CAMKMT: variants seen among roughly 807,000 people sequenced by gnomAD.
CAMKMT encodes the protein calmodulin-lysine N-methyltransferase, also known as CaM KMT.
CAMKMT carries 53 observed loss-of-function variants against 48.0 expected under a neutral mutation model. That is an observed-to-expected ratio of 1.10 (90% confidence interval 0.89 to 1.39). CAMKMT has a LOEUF of 1.39. CAMKMT is among the 40% of genes most tolerant of loss of function. The pLI, the probability that CAMKMT is intolerant of heterozygous loss-of-function variation, is 0.00. For missense variants in CAMKMT, 428 were observed against 402.7 expected (o/e 1.06, Z -0.54); for synonymous variants, 165 against 152.3 (o/e 1.08, Z -0.61).
chr2:44,549,635 C>A, intron 3 of CAMKMT: 2 of 622,958 alleles, frequency 3.2e-6, no homozygotes, highest in South Asian at 3.9e-5. Context: ...CTGAACTGCT[C>A]ATATATTTAA....
intron 3 of CAMKMT, among the ~76,000 whole-genome samples, chr2:44,397,371 T>C (rs1346485595): frequency 6.6e-6 from 1 of 152,218 alleles, no homozygotes; most frequent in African/African-American, 2.4e-5. Context: ...CCTGAGAGTA[T>C]AGGGGACCTG....
intron 3 of CAMKMT, among the ~76,000 whole-genome samples, chr2:44,481,321 A>G (rs975014568): frequency 2.0e-5 from 3 of 152,058 alleles, no homozygotes; most frequent in African/African-American, 7.2e-5. Context: ...GCATAATGAC[A>G]GTTTAATTAT....
chr2:44,596,023 A>C (rs913999002), intron 3 of CAMKMT, among the ~76,000 whole-genome samples: 1 of 152,024 alleles, frequency 6.6e-6, no homozygotes, highest in East Asian at 1.9e-4. Context: ...CATTAGGAGA[A>C]ATACCTAATG....
chr2:44,721,557 AT>A (rs1558817635), intron 7 of CAMKMT, among the ~76,000 whole-genome samples: 1 of 152,158 alleles, frequency 6.6e-6, no homozygotes, highest in African/African-American at 2.4e-5. Flanking sequence ...TTGAGATATA[AT>A]TTACTTACTA....
At chr2:44,763,052 C>T (rs1041650432) in intron 9 of CAMKMT, among the ~76,000 whole-genome samples, 4 of 152,168 alleles carry the variant, frequency 2.6e-5, no homozygotes, top group African/African-American at 9.7e-5. Context: ...ACTGTTCCCC[C>T]TGTGACGTGT....
chr2:44,581,374 A>G (rs1017190420), intron 3 of CAMKMT, among the ~76,000 whole-genome samples: 3 of 152,226 alleles, frequency 2.0e-5, no homozygotes, highest in African/African-American at 7.2e-5. Context: ...TCACATGTCA[A>G]TGAGCAGTAG....
chr2:44,573,840 A>G (rs537576801), intron 3 of CAMKMT, among the ~76,000 whole-genome samples: 1 of 152,324 alleles, frequency 6.6e-6, no homozygotes, highest in Non-Finnish European at 1.5e-5. Context: ...GTTCTGAAAT[A>G]CAACCTCTAC....
chr2:44,524,988 T>G (rs1671327136), intron 3 of CAMKMT, among the ~76,000 whole-genome samples: 1 of 152,050 alleles, frequency 6.6e-6, no homozygotes, highest in Non-Finnish European at 1.5e-5. Context: ...AAAACTTAGC[T>G]TGTTAATCAT....
At chr2:44,421,640 T>G (rs1036649250) in intron 3 of CAMKMT, among the ~76,000 whole-genome samples, 2 of 152,170 alleles carry the variant, frequency 1.3e-5, no homozygotes, top group African/African-American at 4.8e-5. Context: ...ATAACAGGCT[T>G]ATAGAATTCT....
intron 3 of CAMKMT, among the ~76,000 whole-genome samples, chr2:44,703,031 C>T (rs1356622664): frequency 6.6e-6 from 1 of 152,110 alleles, no homozygotes; most frequent in Non-Finnish European, 1.5e-5. Context: ...CATTTGCCAC[C>T]CGTTCCCAGG....
At chr2:44,726,894 T>C (rs1428698795) in intron 7 of CAMKMT, among the ~76,000 whole-genome samples, 2 of 152,198 alleles carry the variant, frequency 1.3e-5, no homozygotes, top group Non-Finnish European at 2.9e-5. Flanking sequence ...CCCTTGCTTG[T>C]TTTTGTCAGC....
chr2:44,571,696 G>A (rs957773673), intron 3 of CAMKMT, among the ~76,000 whole-genome samples: 3 of 152,116 alleles, frequency 2.0e-5, no homozygotes, highest in Non-Finnish European at 4.4e-5. Context: ...AAAACAAGCC[G>A]GGTGAGGTGG....
At chr2:44,549,361 TA>T (rs528921596) in intron 3 of CAMKMT, among the ~76,000 whole-genome samples, 1,638 of 148,992 alleles carry the variant, frequency 0.011, 15 homozygotes, top group African/African-American at 0.024. Flanking sequence ...TTTATAATCC[TA>T]AAAAAAAAGA....
intron 3 of CAMKMT, among the ~76,000 whole-genome samples, chr2:44,465,959 A>G (rs933189924): frequency 2.0e-5 from 3 of 152,218 alleles, no homozygotes; most frequent in African/African-American, 7.2e-5. Context: ...TAATGATAAA[A>G]GGATCAGTTC....
intron 3 of CAMKMT, among the ~76,000 whole-genome samples, chr2:44,544,874 A>G (rs1304169492): frequency 2.6e-5 from 4 of 152,220 alleles, no homozygotes; most frequent in Non-Finnish European, 5.9e-5. Flanking sequence ...TCCTTTAAAA[A>G]TTTTATTTAA....
At chr2:44,649,633 C>T (rs1264860468) in intron 3 of CAMKMT, among the ~76,000 whole-genome samples, 3 of 152,098 alleles carry the variant, frequency 2.0e-5, no homozygotes, top group African/African-American at 7.2e-5. Flanking sequence ...CATGACTGTT[C>T]ATAAAGCTGA....
chr2:44,664,992 T>C (rs1199006466), intron 3 of CAMKMT, among the ~76,000 whole-genome samples: 3 of 152,214 alleles, frequency 2.0e-5, no homozygotes, highest in Non-Finnish European at 2.9e-5. Context: ...CCAGGAATTC[T>C]GATATAGTTG....
At chr2:44,467,114 C>T (rs1388044171) in intron 3 of CAMKMT, among the ~76,000 whole-genome samples, 1 of 151,974 alleles carries the variant, frequency 6.6e-6, no homozygotes, top group Non-Finnish European at 1.5e-5. Flanking sequence ...ATTAGCCAGG[C>T]ATGGTGGCAC....
At chr2:44,727,827 G>C (rs1678871941) in intron 7 of CAMKMT, among the ~76,000 whole-genome samples, 1 of 152,114 alleles carries the variant, frequency 6.6e-6, no homozygotes, top group African/African-American at 2.4e-5. Flanking sequence ...AGGGATGTTG[G>C]AGTTTATCAG....
Sources: gnomAD v4.1 joint callset for allele counts (sites outside exome capture counted in the v4.1 genomes callset) on GRCh38, gnomAD v4.1.1 for gene constraint, MANE v1.5 for transcripts, NCBI Gene and HGNC (gene_info 2026-07-23, HGNC 2026-07-21) for gene names.